The following MALRD1 variants were observed in gnomAD, a reference collection of about 807,000 sequenced individuals.
The protein encoded by MALRD1 is MAM and LDL-receptor class A domain-containing protein 1.
In MALRD1, 247 loss-of-function variants were observed where a neutral mutation model predicts 242.1. The ratio of observed to expected loss-of-function variants is 1.02; its 90% CI spans 0.92 to 1.13. The LOEUF (loss-of-function observed/expected upper bound fraction) is 1.13, where lower values mean the gene tolerates loss of function less well. Among genes scored for constraint, MALRD1 ranks in the 50% most tolerant of loss-of-function variants. MALRD1 has a pLI of 0.00. For synonymous variants in MALRD1, 995 were observed against 866.6 expected, an observed-to-expected ratio of 1.15 and a Z score of -2.60; for missense variants, 2,989 against 2,533.1, an observed-to-expected ratio of 1.18 and a Z score of -3.86.
chr10:19,390,480 A>G (rs577858841), intron 28 of MALRD1, among the ~76,000 whole-genome samples: 2 of 152,330 alleles, frequency 1.3e-5, no homozygotes, highest in East Asian at 3.9e-4. Flanking sequence ...GACAGTGTTC[A>G]GGGAACAAAA....
rs146360690 is a variant in MALRD1, at chr10:19,076,125, T to C, written c.340+9266T>C. On this transcript the variant is annotated intron_variant, in intron 2 of 39. Coordinates refer to ENST00000454679, the MANE Select transcript of MALRD1 (RefSeq NM_001142308.3). ...TTCATTTATGTGTTTAACTTTTTTATTCTTACCCCGATTTTCATTGCTTCC... is the reference window on the plus strand; with the variant it reads ...TTCATTTATGTGTTTAACTTTTTTACTCTTACCCCGATTTTCATTGCTTCC... 5.0e-3 allele frequency among the ~76,000 whole-genome samples: 765 copies of C among 152,074 alleles called. 3 individuals carry two copies. Among genetic ancestry groups the C allele is most frequent in the Non-Finnish European group, 7.7e-3 (525 of 67,946 alleles).
intron 28 of MALRD1, among the ~76,000 whole-genome samples, chr10:19,393,536 C>G (rs1404967793): frequency 1.4e-5 from 2 of 146,258 alleles, no homozygotes; most frequent in East Asian, 4.1e-4. Context: ...AGCTCCGTCT[C>G]CCGGGTTCAT....
intron 25 of MALRD1, among the ~76,000 whole-genome samples, chr10:19,348,751 G>C (rs751751796): frequency 1.3e-5 from 2 of 152,086 alleles, no homozygotes; most frequent in Non-Finnish European, 2.9e-5. Context: ...GCTAGGCTAG[G>C]AACTAAATTT....
intron 28 of MALRD1, among the ~76,000 whole-genome samples, chr10:19,414,124 A>G (rs1189019568): frequency 2.0e-5 from 3 of 152,124 alleles, no homozygotes; most frequent in Admixed American, 1.3e-4. Context: ...TCTTAGTTAT[A>G]GACTCTACAG....
intron 26 of MALRD1, among the ~76,000 whole-genome samples, chr10:19,357,041 C>T (rs1213691324): frequency 1.3e-5 from 2 of 151,040 alleles, no homozygotes; most frequent in East Asian, 1.9e-4. Context: ...ACCTGGGAGG[C>T]GGAGGTTGCA....
chr10:19,621,713 A>G (rs1839410626), intron 36 of MALRD1, among the ~76,000 whole-genome samples: 1 of 151,866 alleles, frequency 6.6e-6, no homozygotes, highest in African/African-American at 2.4e-5. Context: ...ACCTGAATTT[A>G]CATACTGAAA....
chr10:19,580,624 ATGTTG>A (rs1431703925), intron 33 of MALRD1, among the ~76,000 whole-genome samples: 2 of 152,166 alleles, frequency 1.3e-5, no homozygotes, highest in Non-Finnish European at 2.9e-5. Flanking sequence ...AAGTGCATTT[ATGTTG>A]TGTTAAGTCT....
At chr10:19,354,476 T>A (rs563318595) in intron 26 of MALRD1, among the ~76,000 whole-genome samples, 1 of 152,172 alleles carries the variant, frequency 6.6e-6, no homozygotes, top group Non-Finnish European at 1.5e-5. Flanking sequence ...ATTCCTTCAA[T>A]CTAACTGTAT....
At chr10:19,122,418 A>G (rs924775541) in intron 5 of MALRD1, among the ~76,000 whole-genome samples, 3 of 152,150 alleles carry the variant, frequency 2.0e-5, no homozygotes, top group African/African-American at 4.8e-5. Context: ...AAAGTCATCA[A>G]TAAGAAGAGA....
At chr10:19,615,994 A>G in intron 36 of MALRD1, 71 bp downstream of exon 36, 1 of 1,065,248 alleles carries the variant, frequency 9.4e-7, no homozygotes, top group Non-Finnish European at 1.4e-6. Flanking sequence ...CTATAGGCTG[A>G]TATAATAGAG....
At chr10:19,711,032 C>T (rs1834085926) in intron 38 of MALRD1, 1 of 152,196 alleles carries the variant, frequency 6.6e-6, no homozygotes, top group African/African-American at 2.4e-5. Flanking sequence ...AATTATTCAG[C>T]ACTTTTGACT....
At chr10:19,303,578 T>C (rs1036973212) in intron 21 of MALRD1, among the ~76,000 whole-genome samples, 7 of 151,768 alleles carry the variant, frequency 4.6e-5, no homozygotes, top group Admixed American at 2.0e-4. Context: ...AATGGAAATA[T>C]AAGGCAAGCC....
intron 32 of MALRD1, among the ~76,000 whole-genome samples, chr10:19,564,027 G>A (rs1836143410): frequency 6.6e-6 from 1 of 152,182 alleles, no homozygotes; most frequent in African/African-American, 2.4e-5. Context: ...GATTCTTGAA[G>A]CCTCCCCAGA....
intron 18 of MALRD1, among the ~76,000 whole-genome samples, chr10:19,232,003 C>A (rs1838100477): frequency 6.6e-6 from 1 of 152,148 alleles, no homozygotes; most frequent in East Asian, 1.9e-4. Flanking sequence ...AAGGAGAATT[C>A]TGCTCTTTTA....
chr10:19,704,610 G>A (rs1344686798), intron 38 of MALRD1, among the ~76,000 whole-genome samples: 3 of 152,150 alleles, frequency 2.0e-5, no homozygotes, highest in Non-Finnish European at 4.4e-5. Flanking sequence ...GGTTGAGTAG[G>A]AAATTATAAG....
In MALRD1 at chr10:19,718,077, G is replaced by A. The variant is rs148275908; in HGVS notation, c.6315-12629G>A. Among the ~76,000 whole-genome samples the A allele has an allele frequency of 3.1e-3, 433 of 138,068 alleles. 1 individual carries two copies. Among genetic ancestry groups the A allele is most frequent in the African/African-American group, 0.011 (401 of 36,130 alleles). The allele number at this position is 138,068 out of a possible 152,430, so 90.6% of individuals were successfully genotyped here. On this transcript the variant is annotated intron_variant, in intron 38 of 39. Transcript: ENST00000454679. ...AAGAAGAGGAAGAAGAAGAAGGAGA[G>A]GAATAAGTAGAAGAAGAAGAAGAGG...
intron 38 of MALRD1, among the ~76,000 whole-genome samples, chr10:19,710,037 C>T (rs953284294): frequency 2.6e-5 from 4 of 152,032 alleles, no homozygotes; most frequent in African/African-American, 4.8e-5. Flanking sequence ...GAGTTGGAGA[C>T]TATAGTGAGC....
intron 36 of MALRD1, among the ~76,000 whole-genome samples, chr10:19,670,820 C>T (rs541074084): frequency 1.3e-5 from 2 of 152,102 alleles, no homozygotes; most frequent in East Asian, 1.9e-4. Context: ...TACATAGCAC[C>T]TAGCTTTCAA....
intron 34 of MALRD1, among the ~76,000 whole-genome samples, chr10:19,598,071 T>C (rs1838186582): frequency 1.3e-5 from 2 of 152,118 alleles, no homozygotes; most frequent in Admixed American, 1.3e-4. Context: ...CAGTGCTATA[T>C]AACGGTACTT....
Sources: allele counts gnomAD v4.1 joint callset (sites outside exome capture counted in the v4.1 genomes callset), GRCh38; gene constraint gnomAD v4.1.1; transcripts MANE v1.5; gene names NCBI Gene and HGNC (gene_info 2026-07-23, HGNC 2026-07-21).